Variants in STK3 observed in about 807,000 individuals in gnomAD.
The protein encoded by STK3 is serine/threonine kinase 3, also known as serine/threonine-protein kinase 3.
STK3 carries 41 observed loss-of-function variants against 58.0 expected under a neutral mutation model. The ratio of observed to expected loss-of-function variants is 0.71; its 90% CI spans 0.55 to 0.92. The LOEUF (loss-of-function observed/expected upper bound fraction) is 0.92, where lower values mean the gene tolerates loss of function less well. Ranked by LOEUF, STK3 falls within the 40% of genes least tolerant of loss-of-function variation. The pLI is 0.00. For synonymous variants in STK3, 170 were observed against 191.0 expected (o/e 0.89, Z 0.91); for missense variants, 479 against 602.7 (o/e 0.79, Z 2.15).
intron 4 of STK3, among the ~76,000 whole-genome samples, chr8:98,716,860 T>TG (rs1827057427): frequency 6.6e-6 from 1 of 151,962 alleles, no homozygotes. Flanking sequence ...AACCCAGAAA[T>TG]AACCCTTGTA....
chr8:98,418,127 G>T (rs971149291), intron 3 of STK3, among the ~76,000 whole-genome samples: 2 of 152,144 alleles, frequency 1.3e-5, no homozygotes, highest in African/African-American at 4.8e-5. Context: ...GCCCAGGCTG[G>T]TCTTAAATTC....
At chr8:98,860,534 T>C (rs1836891863) in intron 3 of STK3, among the ~76,000 whole-genome samples, 1 of 152,210 alleles carries the variant, frequency 6.6e-6, no homozygotes, top group African/African-American at 2.4e-5. Flanking sequence ...TTCTTCCTTT[T>C]GTGGATCCCT....
chr8:98,868,837 T>C (rs1416154437), intron 3 of STK3, among the ~76,000 whole-genome samples: 1 of 151,368 alleles, frequency 6.6e-6, no homozygotes, highest in African/African-American at 2.4e-5. Context: ...AATAGCCAGC[T>C]GTGGTGGCGC....
At chr8:98,365,325 A>G in the STK3 span, among the ~76,000 whole-genome samples, 1 of 152,228 alleles carries the variant, frequency 6.6e-6, no homozygotes, top group African/African-American at 2.4e-5. Flanking sequence ...AAGAAAAGAC[A>G]CTGTCTCAGA....
chr8:98,375,248 C>T (rs1817660725), intron 2 of STK3, among the ~76,000 whole-genome samples: 1 of 132,692 alleles, frequency 7.5e-6, no homozygotes, highest in South Asian at 2.4e-4. Flanking sequence ...GAGCAAGAAG[C>T]TGTTTCCAAA....
At chr8:98,673,472 A>G (rs1036429383) in intron 6 of STK3, among the ~76,000 whole-genome samples, 1 of 152,216 alleles carries the variant, frequency 6.6e-6, no homozygotes, top group Non-Finnish European at 1.5e-5. Context: ...ACATAAATGA[A>G]CCTCAAAAAC....
intron 6 of STK3, among the ~76,000 whole-genome samples, chr8:98,696,356 C>G (rs1195473240): frequency 1.3e-5 from 2 of 151,612 alleles, no homozygotes; most frequent in African/African-American, 4.8e-5. Context: ...ATTTCCTTCT[C>G]CTGCCTAATT....
the STK3 span, among the ~76,000 whole-genome samples, chr8:98,355,445 C>T: frequency 2.0e-5 from 3 of 152,218 alleles, no homozygotes; most frequent in Non-Finnish European, 4.4e-5. Context: ...GATACTGGCT[C>T]TGCTTTAGTT....
At chr8:98,416,679 T>C (rs774921831) in intron 3 of STK3, among the ~76,000 whole-genome samples, 9 of 152,226 alleles carry the variant, frequency 5.9e-5, no homozygotes, top group African/African-American at 9.7e-5. Context: ...TTTAGCAAGA[T>C]TTAATTAAAC....
rs1182051733 is a variant in STK3, at chr8:98,592,727, GACTT to G, written c.822+3301_822+3304del. ...AAGAGATCATGGAAGACTGCTCACT[GACTT>G]ACTTTATTTATTTATTTATTTATTT... On this transcript the variant is annotated intron_variant, in intron 7 of 10. Coordinates refer to ENST00000419617, the MANE Select transcript of STK3 (RefSeq NM_006281.4). Among the ~76,000 whole-genome samples the G allele has an allele frequency of 1.1e-3, 155 of 143,366 alleles. 1 individual carries two copies. Among genetic ancestry groups the G allele is most frequent in the African/African-American group, 3.9e-3 (151 of 39,138 alleles). 94.1% of individuals were successfully genotyped at this position (143,366 alleles called of 152,430 possible). A position where few individuals can be genotyped will look rare whatever the true frequency, so the allele number is the denominator to read the frequency against.
intron 6 of STK3, among the ~76,000 whole-genome samples, chr8:98,610,564 CCAT>C: frequency 6.6e-6 from 1 of 152,232 alleles, no homozygotes; most frequent in Non-Finnish European, 1.5e-5. Context: ...GCCCCCACCA[CCAT>C]ATGCCACCCT....
At chr8:98,597,408 C>A (rs548543748) in intron 6 of STK3, 3 of 985,008 alleles carry the variant, frequency 3.0e-6, no homozygotes, top group Non-Finnish European at 3.6e-6. Context: ...ATATACCTCA[C>A]GTCATGTTAT....
At chr8:98,743,827 A>C (rs963496209) in intron 4 of STK3, among the ~76,000 whole-genome samples, 2 of 152,076 alleles carry the variant, frequency 1.3e-5, no homozygotes, top group Middle Eastern at 3.2e-3. Context: ...AATTTTCGCA[A>C]CCTACTCATC....
rs2131068368 is a variant in STK3, at chr8:98,428,486, C to T, written n.483+5641G>A. ...TCGATGGGCAGCCCCTCGGCAACTT[C>T]CGCAGGCAGCTGTGGCTGGCGCTGG... On this transcript the variant is annotated intron_variant and non_coding_transcript_variant, in intron 3 of 3. Coordinates refer to the STK3 transcript ENST00000517832. This position sits in a 1 kb window ranked among gnomAD's most constrained non-coding sequence, Gnocchi z 6.7. The T allele has an allele frequency of 6.2e-7, 1 of 1,614,138 alleles. No homozygotes were observed.
intron 7 of STK3, among the ~76,000 whole-genome samples, chr8:98,580,664 G>A (rs933318298): frequency 1.4e-4 from 21 of 152,304 alleles, no homozygotes; most frequent in African/African-American, 5.1e-4. Context: ...CCAGATGCGA[G>A]CACAATGGTG....
chr8:98,783,353 T>C (rs1230532902), intron 1 of STK3, among the ~76,000 whole-genome samples: 1 of 152,256 alleles, frequency 6.6e-6, no homozygotes, highest in Non-Finnish European at 1.5e-5. Flanking sequence ...TGATGATTGT[T>C]ATGCATTATA....
At position 98,933,697 on chromosome 8, in the gene STK3, AC is replaced by A. The variant is rs571128315; in HGVS notation, c.-79+8680del. ...CCTCTCCCCATATATTGGCATCAAC[AC>A]CCTGCATGTAACCTCCATACTCAAA... On this transcript the variant is annotated intron_variant, in intron 1 of 1. Coordinates refer to the STK3 transcript ENST00000519420. 3.6e-3 allele frequency among the ~76,000 whole-genome samples: 546 copies of A among 152,282 alleles called. 3 individuals carry two copies. The highest frequency in any genetic ancestry group is 0.013 in the African/African-American group (522 of 41,558).
At chr8:98,673,847 T>C (rs1823006858) in intron 6 of STK3, among the ~76,000 whole-genome samples, 1 of 152,198 alleles carries the variant, frequency 6.6e-6, no homozygotes. Context: ...ATAGCAGTGA[T>C]ACAAAATGAG....
chr8:98,499,087 C>T (rs1286374191), intron 10 of STK3, among the ~76,000 whole-genome samples: 1 of 152,024 alleles, frequency 6.6e-6, no homozygotes, highest in Non-Finnish European at 1.5e-5. Flanking sequence ...AAAAAGACAA[C>T]CTTGGAAGCA....
Sources: allele counts gnomAD v4.1 joint callset (sites outside exome capture counted in the v4.1 genomes callset), GRCh38; gene constraint gnomAD v4.1.1; non-coding constraint Gnocchi (gnomAD v3.1); transcripts MANE v1.5; gene names NCBI Gene and HGNC (gene_info 2026-07-23, HGNC 2026-07-21).